SMG1: variants seen among roughly 807,000 people sequenced by gnomAD.
The protein encoded by SMG1 is SMG1 nonsense mediated mRNA decay associated PI3K related kinase.
In SMG1, 22 loss-of-function variants were observed where a neutral mutation model predicts 419.9. The observed-to-expected ratio is 0.05, with a 90% CI of 0.04 to 0.07. The LOEUF (loss-of-function observed/expected upper bound fraction) is 0.07. Ranked by LOEUF, SMG1 falls within the 10% of genes least tolerant of loss-of-function variation. The probability of loss-of-function intolerance (pLI) is 1.00; values close to 1 mark genes in which losing one functional copy is unlikely to be tolerated. For synonymous variants in SMG1, 1,538 were observed against 1,553.5 expected (o/e 0.99, Z 0.23); for missense variants, 3,185 against 4,342.0 (o/e 0.73, Z 7.49).
rs770778941 is a variant in SMG1, at chr16:18,847,865, C to T, written c.5792G>A (p.Ser1931Asn). The change falls in exon 37 of 63, where the codon AGC (serine) becomes AAC (asparagine). Residue 1931 changes from serine (S) to asparagine (N), a missense_variant. Around this residue, in one of 27 missense-constraint regions of SMG1, gnomAD observed 130 missense variants for 162.0 expected, o/e 0.80. Coordinates refer to ENST00000446231, the MANE Select transcript of SMG1 (RefSeq NM_015092.5). ...AGAGGACAGCTTATCTACAATTTTG[C>T]TGTAACAATCCTGCATCATGGCTTG... is the stretch of plus-strand genomic sequence containing the variant. The part of the protein sequence containing the change: ...EDQAMMQDCY[S>N]KIVDKLSSAN... The T allele has an allele frequency of 4.1e-5, 66 of 1,614,030 alleles. 1 individual carries two copies. In the South Asian group the frequency reaches 7.1e-4, roughly 17 times the overall value.
Position 18,829,328 on chromosome 16 carries a change from C to T in SMG1, c.9561G>A (p.Lys3187=). 6.2e-7 allele frequency: 1 copy of T among 1,613,958 alleles called. No individual in the cohort carries two copies. The highest frequency in any genetic ancestry group is 1.1e-5 in the South Asian group (1 of 91,086). Residue 3187 remains lysine (K), a synonymous_variant, in exon 54 of 63, where the codon AAG becomes AAA. Coordinates refer to ENST00000446231, the MANE Select transcript of SMG1 (RefSeq NM_015092.5). ...GCAGCTGAACCCGCTGCAGGCTTGTCTTACAAGAAGAAATACTGGTTTCTA... is the reference window on the plus strand; with the variant it reads ...GCAGCTGAACCCGCTGCAGGCTTGTTTTACAAGAAGAAATACTGGTTTCTA... ...RRLETSISSC[K]TSLQRVQLHI...
intron 13 of SMG1, among the ~76,000 whole-genome samples, chr16:18,874,449 ACTTT>A (rs1466494394): frequency 6.6e-6 from 1 of 151,148 alleles, no homozygotes; most frequent in African/African-American, 2.4e-5. Flanking sequence ...CACACCTATT[ACTTT>A]CTATTAAAAA....
chr16:18,860,923 T>C (rs2035182395), intron 25 of SMG1, 147 bp from the exon 26 acceptor site: 1 of 514,340 alleles, frequency 1.9e-6, no homozygotes, highest in African/African-American at 2.0e-5. Context: ...GATGCCATTA[T>C]TTTGGTTTTT....
intron 1 of SMG1, among the ~76,000 whole-genome samples, chr16:18,917,013 C>T (rs1489400766): frequency 6.6e-6 from 1 of 152,048 alleles, no homozygotes; most frequent in Non-Finnish European, 1.5e-5. Flanking sequence ...ATACATGTGT[C>T]TAACATGAAG....
At chr16:18,812,617 CACATATATATACACAT>C in intron 60 of SMG1, among the ~76,000 whole-genome samples, 1 of 147,162 alleles carries the variant, frequency 6.8e-6, no homozygotes, top group Non-Finnish European at 1.5e-5. Flanking sequence ...TATACATACA[CACATATATATACACAT>C]ATATATACAC....
Position 18,875,886 on chromosome 16 carries a change from TAAAAC to T in SMG1, c.1890+233_1890+237del, listed in dbSNP as rs1054663818. ...AATTCATAAGACATTTTCTAGAAAA[TAAAAC>T]TAATATAAAAAAACTTATCAAGATT... On this transcript the variant is annotated intron_variant, in intron 13 of 62. Coordinates refer to ENST00000446231, the MANE Select transcript of SMG1 (RefSeq NM_015092.5). The T allele has an allele frequency of 1.1e-5, 6 of 540,066 alleles. No individual in the cohort carries two copies. In the Admixed American group the frequency reaches 1.4e-4, roughly 13 times the overall value. 33.5% of individuals were successfully genotyped at this position (540,066 alleles called of 1,614,324 possible). A position where few individuals can be genotyped will look rare whatever the true frequency, so the allele number is the denominator to read the frequency against.
intron 15 of SMG1, 33 bp downstream of exon 15, chr16:18,872,151 T>C (rs565429355): frequency 4.3e-5 from 52 of 1,223,476 alleles, no homozygotes; most frequent in Admixed American, 5.5e-5. Context: ...TTAACAAAGT[T>C]AGGAATAGTT....
intron 1 of SMG1, among the ~76,000 whole-genome samples, chr16:18,915,159 G>C (rs1221115345): frequency 7.2e-5 from 11 of 151,938 alleles, no homozygotes; most frequent in South Asian, 2.1e-4. Context: ...TTTTTTAGTC[G>C]AGATGGGGTT....
intron 9 of SMG1, among the ~76,000 whole-genome samples, chr16:18,882,817 T>C (rs2036457583): frequency 6.6e-6 from 1 of 152,076 alleles, no homozygotes; most frequent in Non-Finnish European, 1.5e-5. Context: ...AGAAGTACGA[T>C]ATATGAAAAG....
intron 22 of SMG1, among the ~76,000 whole-genome samples, chr16:18,867,341 C>T (rs1389838994): frequency 6.6e-6 from 1 of 151,998 alleles, no homozygotes; most frequent in Non-Finnish European, 1.5e-5. Context: ...CGAGACCAGC[C>T]TGGCCAACAT....
At chr16:18,841,115 C>CA (rs2033891109) in intron 41 of SMG1, among the ~76,000 whole-genome samples, 2 of 151,930 alleles carry the variant, frequency 1.3e-5, no homozygotes, top group South Asian at 2.1e-4. Context: ...AAAGGTACCT[C>CA]AAGGCCAGAT....
rs2141900490 is a variant in SMG1, at chr16:18,806,849, TA to T, written c.*2719del. On this transcript the variant is annotated 3_prime_UTR_variant, in exon 63 of 63. Transcript: ENST00000446231. ...GTATGACTTCATAACTACAGCACTC[TA>T]ACTTTTCTCAGTCTAACTGCTGAGG... The T allele has an allele frequency of 6.6e-6, 1 of 152,354 alleles. No individual in the cohort carries two copies. Among genetic ancestry groups the T allele is most frequent in the South Asian group, 2.1e-4 (1 of 4,826 alleles). 9.4% of individuals were successfully genotyped at this position (152,354 alleles called of 1,614,324 possible). A position where few individuals can be genotyped will look rare whatever the true frequency, so the allele number is the denominator to read the frequency against.
chr16:18,900,038 A>C (rs1166461837), intron 1 of SMG1: 4 of 1,522,740 alleles, frequency 2.6e-6, no homozygotes, highest in African/African-American at 1.4e-5. Context: ...TTTTGCATCA[A>C]GTCAATCTGT....
intron 5 of SMG1, among the ~76,000 whole-genome samples, chr16:18,890,083 C>A (rs1224086885): frequency 1.3e-5 from 2 of 152,134 alleles, no homozygotes; most frequent in Non-Finnish European, 2.9e-5. Context: ...ATTTTGGGTA[C>A]TTGCCAACAC....
rs1187589503 is a variant in SMG1 at position 18,868,226 on chromosome 16, G to A, written c.3159C>T (p.Asp1053=). 2 of 1,567,830 alleles carry A rather than the reference G, an allele frequency of 1.3e-6. No individual in the cohort carries two copies. The highest frequency in any genetic ancestry group is 2.3e-5 in the East Asian group (1 of 44,012). ...QPAVTVRHGF[D]LLTEMKTTSL... Reference sequence around the variant, plus strand: ...TGGTTGTTTTCATCTCTGTAAGCAAGTCAAAGCCATGTCTCACTGTCACTG... The same window carrying A: ...TGGTTGTTTTCATCTCTGTAAGCAAATCAAAGCCATGTCTCACTGTCACTG... Residue 1053 remains aspartate, a synonymous_variant, in exon 22 of 63, where the codon GAC becomes GAT. Transcript: ENST00000446231.
At chr16:18,923,698 T>A (rs1387811240) in intron 1 of SMG1, among the ~76,000 whole-genome samples, 1 of 148,132 alleles carries the variant, frequency 6.8e-6, no homozygotes, top group Admixed American at 6.8e-5. Flanking sequence ...GACAAAATGG[T>A]ACATAAGAGG....
chr16:18,902,663 GC>G (rs113387253), intron 1 of SMG1, among the ~76,000 whole-genome samples: 8 of 151,616 alleles, frequency 5.3e-5, no homozygotes, highest in African/African-American at 1.9e-4. Context: ...CTGTGATCAT[GC>G]CACTGCACTC....
chr16:18,903,844 T>C (rs1350848229), intron 1 of SMG1, among the ~76,000 whole-genome samples: 2 of 151,682 alleles, frequency 1.3e-5, no homozygotes, highest in African/African-American at 4.8e-5. Context: ...TTTCTTCCCA[T>C]CATCTTCGCA....
chr16:18,850,319 C>T lies in SMG1; in HGVS notation c.5201G>A (p.Arg1734Lys), dbSNP rs2034518634. 7 of 1,613,814 alleles carry T rather than the reference C, an allele frequency of 4.3e-6. No homozygotes were observed. In the Admixed American group the frequency reaches 8.3e-5, roughly 19 times the overall value. ...SATEGVIKVW[R>K]KVVDRIFSLY... ...GCTGAATATTCTATCTACAACTTTCCTCCACACTTTAATAACTCCTTCAGT... is the reference window on the plus strand; with the variant it reads ...GCTGAATATTCTATCTACAACTTTCTTCCACACTTTAATAACTCCTTCAGT... The change falls in exon 34 of 63, where the codon AGG becomes AAG. Residue 1734 changes from arginine to lysine, a missense_variant. By Grantham distance (26) the Arg-to-Lys change is conservative. This residue lies in a region of SMG1 where 493 missense variants were observed against 552.9 expected (regional missense o/e 0.89). Transcript: ENST00000446231.
Sources: allele counts gnomAD v4.1 joint callset (sites outside exome capture counted in the v4.1 genomes callset), GRCh38; gene constraint gnomAD v4.1.1; regional missense constraint gnomAD v4.1.1; transcripts MANE v1.5; gene names NCBI Gene and HGNC (gene_info 2026-07-23, HGNC 2026-07-21).